Variants in PDE11A observed in about 807,000 individuals in gnomAD.
PDE11A encodes phosphodiesterase 11A.
PDE11A carries 100 observed loss-of-function variants against 100.5 expected under a neutral mutation model. The observed-to-expected ratio is 1.00, with a 90% CI of 0.85 to 1.18. The LOEUF (loss-of-function observed/expected upper bound fraction) is 1.18. Among genes scored for constraint, PDE11A ranks in the 50% most tolerant of loss-of-function variants. The probability of loss-of-function intolerance (pLI) is 0.00; values close to 1 mark genes in which losing one functional copy is unlikely to be tolerated. For synonymous variants in PDE11A, 381 were observed against 420.8 expected, an observed-to-expected ratio of 0.91 and a Z score of 1.16; for missense variants, 1,141 against 1,152.6, an observed-to-expected ratio of 0.99 and a Z score of 0.15.
intron 2 of PDE11A, among the ~76,000 whole-genome samples, chr2:177,910,577 A>G (rs2084865160): frequency 6.6e-6 from 1 of 152,166 alleles, no homozygotes. Context: ...AAAAGCCTTA[A>G]TGACTAAGAA....
At chr2:177,709,941 G>A (rs2081335847) in intron 13 of PDE11A, among the ~76,000 whole-genome samples, 1 of 152,162 alleles carries the variant, frequency 6.6e-6, no homozygotes, top group African/African-American at 2.4e-5. Flanking sequence ...TTGGGAGAAG[G>A]GAAGGAAGTG....
intron 19 of PDE11A, among the ~76,000 whole-genome samples, chr2:177,659,311 A>G (rs932121416): frequency 3.3e-5 from 5 of 151,360 alleles, no homozygotes; most frequent in African/African-American, 9.7e-5. Context: ...AAAAAAATCA[A>G]AGTTTACTGT....
intron 9 of PDE11A, among the ~76,000 whole-genome samples, chr2:177,811,106 T>C (rs192658528): frequency 6.6e-6 from 1 of 152,308 alleles, no homozygotes; most frequent in East Asian, 1.9e-4. Flanking sequence ...AAAGGACAGT[T>C]CCTGATGTTC....
rs577929312 is a variant in PDE11A at position 178,011,464 on chromosome 2, A to G, written c.1071+2838T>C. 4.6e-5 allele frequency among the ~76,000 whole-genome samples: 7 copies of G among 152,322 alleles called. No homozygotes were observed. In the South Asian group the frequency reaches 1.4e-3, roughly 32 times the overall value. On this transcript the variant is annotated intron_variant, in intron 2 of 19. Coordinates refer to ENST00000286063, the MANE Select transcript of PDE11A (RefSeq NM_016953.4). ...ATAATTTTATAAAAGGTTGTAACTC[A>G]GAAACAGCCAGATGGAAGAGATACA... is the stretch of plus-strand genomic sequence containing the variant.
intron 1 of PDE11A, chr2:178,105,743 C>A: frequency 8.9e-7 from 1 of 1,125,978 alleles, no homozygotes; most frequent in Non-Finnish European, 1.2e-6. Flanking sequence ...CCCAATATCA[C>A]CTCACAGCTC....
intron 2 of PDE11A, among the ~76,000 whole-genome samples, chr2:177,915,805 T>C (rs1023687300): frequency 2.6e-5 from 4 of 152,218 alleles, no homozygotes; most frequent in Non-Finnish European, 5.9e-5. Flanking sequence ...CCATCTTGCA[T>C]TCCCACCCTT....
At chr2:177,675,110 A>C (rs2080748565) in intron 17 of PDE11A, among the ~76,000 whole-genome samples, 1 of 152,160 alleles carries the variant, frequency 6.6e-6, no homozygotes, top group Non-Finnish European at 1.5e-5. Flanking sequence ...ATATTAAAAA[A>C]AAAGAAAACA....
chr2:177,877,025 G>A (rs1046005016), intron 4 of PDE11A, among the ~76,000 whole-genome samples: 1 of 147,754 alleles, frequency 6.8e-6, no homozygotes, highest in African/African-American at 2.6e-5. Context: ...GACGGGGGAT[G>A]TAGGCAATTT....
At chr2:177,920,345 C>T (rs1574279486) in intron 2 of PDE11A, among the ~76,000 whole-genome samples, 1 of 151,166 alleles carries the variant, frequency 6.6e-6, no homozygotes, top group Non-Finnish European at 1.5e-5. Flanking sequence ...AAAAAAAATA[C>T]CTCAAAAATG....
intron 1 of PDE11A, among the ~76,000 whole-genome samples, chr2:178,064,261 C>A (rs2087011104): frequency 6.6e-6 from 1 of 152,138 alleles, no homozygotes; most frequent in Non-Finnish European, 1.5e-5. Context: ...AATTGTCAGG[C>A]AAATGGATTT....
chr2:177,949,666 T>A (rs1418878661), intron 2 of PDE11A, among the ~76,000 whole-genome samples: 1 of 152,222 alleles, frequency 6.6e-6, no homozygotes, highest in Non-Finnish European at 1.5e-5. Context: ...TAGTACTTAA[T>A]ACCTAATGAC....
chr2:177,780,574 T>G (rs1041048155), intron 9 of PDE11A, among the ~76,000 whole-genome samples: 4 of 152,242 alleles, frequency 2.6e-5, no homozygotes, highest in Non-Finnish European at 5.9e-5. Flanking sequence ...GAAAGCTGTT[T>G]TGTCTGCATT....
intron 15 of PDE11A, 85 bp from the exon 16 acceptor site, chr2:177,680,988 T>C (rs1007653848): frequency 2.8e-6 from 2 of 718,960 alleles, no homozygotes; most frequent in Non-Finnish European, 4.9e-6. Context: ...AACACATCTA[T>C]GGGAAAAACA....
chr2:177,814,712 G>C lies in PDE11A; in HGVS notation c.1737+2117C>G, dbSNP rs113363709. Among the ~76,000 whole-genome samples, 1,386 of 152,318 alleles carry C rather than the reference G, an allele frequency of 9.1e-3. 14 individuals carry two copies. The highest frequency in any genetic ancestry group is 0.029 in the South Asian group (138 of 4,830). Reference sequence around the variant, plus strand: ...TAATTTTTGTGTCTAAGGACAGAGGGATCTGAGTTACATAAACAAGAGGTG... The same window carrying C: ...TAATTTTTGTGTCTAAGGACAGAGGCATCTGAGTTACATAAACAAGAGGTG... On this transcript the variant is annotated intron_variant, in intron 9 of 19. Transcript: ENST00000286063.
At chr2:177,681,982 C>T (rs1167675541) in intron 15 of PDE11A, among the ~76,000 whole-genome samples, 3 of 152,208 alleles carry the variant, frequency 2.0e-5, no homozygotes, top group Non-Finnish European at 4.4e-5. Flanking sequence ...ATCCCCTTCC[C>T]TTTCCAGGTC....
chr2:177,982,039 A>G (rs2085889588), intron 2 of PDE11A, among the ~76,000 whole-genome samples: 1 of 151,074 alleles, frequency 6.6e-6, no homozygotes, highest in African/African-American at 2.4e-5. Flanking sequence ...ACACAGAGAA[A>G]GGGCATGTAT....
At chr2:177,955,611 T>C (rs1219210239) in intron 2 of PDE11A, among the ~76,000 whole-genome samples, 1 of 151,992 alleles carries the variant, frequency 6.6e-6, no homozygotes, top group Non-Finnish European at 1.5e-5. Flanking sequence ...AAGGGGCTGG[T>C]CCACAAAAGA....
intron 10 of PDE11A, among the ~76,000 whole-genome samples, chr2:177,735,167 C>T (rs747057197): frequency 5.3e-5 from 8 of 152,274 alleles, no homozygotes; most frequent in South Asian, 4.1e-4. Flanking sequence ...CAGGAACCCC[C>T]GGGAGAGTTT....
chr2:178,019,196 G>T (rs752629369), intron 1 of PDE11A, among the ~76,000 whole-genome samples: 3 of 152,024 alleles, frequency 2.0e-5, no homozygotes, highest in African/African-American at 7.2e-5. Context: ...CATGTCCTTG[G>T]GAAACATTAA....
Sources: gnomAD v4.1 joint callset for allele counts (sites outside exome capture counted in the v4.1 genomes callset) on GRCh38, gnomAD v4.1.1 for gene constraint, MANE v1.5 for transcripts, NCBI Gene and HGNC (gene_info 2026-07-23, HGNC 2026-07-21) for gene names.